DOCK8: variants seen among roughly 807,000 people sequenced by gnomAD.
DOCK8 encodes dedicator of cytokinesis protein 8.
Under a neutral mutation model 245.6 loss-of-function variants are expected in DOCK8, and 141 were observed. That is an observed-to-expected ratio of 0.57 (90% CI 0.50 to 0.66). The LOEUF is 0.66. Among genes scored for constraint, DOCK8 ranks in the 30% least tolerant of loss-of-function variants. DOCK8 has a pLI of 0.00. For synonymous variants in DOCK8, 1,168 were observed against 970.2 expected (o/e 1.20, Z -3.79); for missense variants, 2,965 against 2,603.4 (o/e 1.14, Z -3.02).
chr9:240,202 A>C (rs1461791529), intron 1 of DOCK8, among the ~76,000 whole-genome samples: 1 of 152,196 alleles, frequency 6.6e-6, no homozygotes, highest in Non-Finnish European at 1.5e-5. Context: ...AGTTATTGAA[A>C]AGTAGTTTGT....
At chr9:324,749 A>G (rs1563922017) in intron 7 of DOCK8, among the ~76,000 whole-genome samples, 2 of 152,132 alleles carry the variant, frequency 1.3e-5, no homozygotes. Context: ...ATCTAAGGAA[A>G]AGCAATTGAA....
intron 29 of DOCK8, among the ~76,000 whole-genome samples, chr9:415,232 AACCATAC>A (rs1314225566): frequency 6.6e-6 from 1 of 152,196 alleles, no homozygotes; most frequent in African/African-American, 2.4e-5. Context: ...GAACTTTATA[AACCATAC>A]ACCACAAAGG....
rs962341270 is a variant in DOCK8 at position 271,699 on chromosome 9, A to C, written c.126A>C (p.Ile42=). The C allele has an allele frequency of 6.4e-7, 1 of 1,551,672 alleles. No individual in the cohort carries two copies. Among genetic ancestry groups the C allele is most frequent in the Non-Finnish European group, 8.7e-7 (1 of 1,146,860 alleles). The part of the protein sequence containing the change: ...PNLGQYHRQS[I]STSGFPSLQL... Reference sequence around the variant, plus strand: ...TTGGCCAGTACCATCGACAGAGCATAAGTACCTCTGGCTTCCCCTCTCTTC... The same window carrying C: ...TTGGCCAGTACCATCGACAGAGCATCAGTACCTCTGGCTTCCCCTCTCTTC... Residue 42 remains isoleucine (I), a synonymous_variant, in exon 2 of 48, where the codon ATA becomes ATC. Transcript: ENST00000432829.
At chr9:319,408 C>T (rs955916186) in intron 7 of DOCK8, among the ~76,000 whole-genome samples, 2 of 152,190 alleles carry the variant, frequency 1.3e-5, no homozygotes, top group Non-Finnish European at 2.9e-5. Context: ...GCCAGGTGCA[C>T]TTGGCCTGCT....
At position 463,701 on chromosome 9, in the gene DOCK8, A is replaced by G. The variant is rs770539964; in HGVS notation, c.6239+14A>G. 6.2e-7 allele frequency: 1 copy of G among 1,613,782 alleles called. No homozygotes were observed. Among genetic ancestry groups the G allele is most frequent in the Admixed American group, 1.7e-5 (1 of 60,018 alleles). The stretch of plus-strand genomic sequence containing the variant: ...GAGTCAAAAGAGGTAAGAACAGGGC[A>G]GAGGAGGCCTCTTCCTGTGGGATAA... On this transcript the variant is annotated intron_variant, in intron 47 of 47. Transcript: ENST00000432829.
chr9:335,796 G>T (rs772275835), intron 11 of DOCK8, among the ~76,000 whole-genome samples: 1 of 152,134 alleles, frequency 6.6e-6, no homozygotes, highest in Non-Finnish European at 1.5e-5. Context: ...GAGGCAGAAT[G>T]GCAAGTTTAG....
intron 6 of DOCK8, among the ~76,000 whole-genome samples, chr9:313,182 T>C (rs1178091542): frequency 6.6e-6 from 1 of 152,230 alleles, no homozygotes; most frequent in Non-Finnish European, 1.5e-5. Context: ...TTGTTGACAT[T>C]GACCTACTCA....
In DOCK8 at chr9:286,583, G is replaced by T. The variant is rs761208788; in HGVS notation, c.279G>T (p.Val93=). The change falls in exon 3 of 48, where the codon GTG becomes GTT. Residue 93 remains valine, a synonymous_variant. Transcript: ENST00000432829. ...LGDFTDDDLD[V]VFTPKECRTL... ...ACTTCACTGATGACGACTTGGACGTGGTGTTCACGCCAAAGGAATGTAGGA... is the reference window on the plus strand; with the variant it reads ...ACTTCACTGATGACGACTTGGACGTTGTGTTCACGCCAAAGGAATGTAGGA... The T allele has an allele frequency of 9.3e-6, 15 of 1,613,966 alleles. No homozygotes were observed. The highest frequency in any genetic ancestry group is 1.3e-5 in the Non-Finnish European group (15 of 1,179,924).
chr9:389,400 G>A (rs1007349046), intron 23 of DOCK8, among the ~76,000 whole-genome samples: 3 of 152,166 alleles, frequency 2.0e-5, no homozygotes, highest in Non-Finnish European at 2.9e-5. Context: ...ATCTGGCCCT[G>A]GGACATAGAC....
intron 29 of DOCK8, 44 bp downstream of exon 29, chr9:414,995 T>G: frequency 1.9e-6 from 3 of 1,600,830 alleles, no homozygotes; most frequent in Non-Finnish European, 2.6e-6. Flanking sequence ...TGGGGGCCCC[T>G]GCCAAATGCC....
rs149717711 is a variant in DOCK8, at chr9:296,918, C to G, written c.404+7337C>G. Reference sequence around the variant, plus strand: ...ACCAGCCTGGTTCAGCTTGGATGCCCTCCTCACACCATGTGGGTTCTGATT... The same window carrying G: ...ACCAGCCTGGTTCAGCTTGGATGCCGTCCTCACACCATGTGGGTTCTGATT... On this transcript the variant is annotated intron_variant, in intron 4 of 47. Transcript: ENST00000432829. Among the ~76,000 whole-genome samples the G allele has an allele frequency of 5.4e-3, 818 of 152,246 alleles. 8 individuals are homozygous for G. Among genetic ancestry groups the G allele is most frequent in the African/African-American group, 0.019 (786 of 41,544 alleles).
intron 1 of DOCK8, among the ~76,000 whole-genome samples, chr9:242,591 T>C (rs1224221691): frequency 2.0e-5 from 3 of 152,222 alleles, no homozygotes; most frequent in African/African-American, 7.2e-5. Context: ...AGAGTGTTCT[T>C]ATTCTCCCAA....
intron 1 of DOCK8, among the ~76,000 whole-genome samples, chr9:261,144 C>A (rs935934735): frequency 1.3e-5 from 2 of 151,096 alleles, no homozygotes; most frequent in Non-Finnish European, 2.9e-5. Flanking sequence ...GAACTGGGTA[C>A]CTGGCAGACA....
chr9:211,565 C>T (rs867106183), upstream of DOCK8, among the ~76,000 whole-genome samples: 1 of 151,806 alleles, frequency 6.6e-6, no homozygotes, highest in South Asian at 2.1e-4. Flanking sequence ...AGGGCTGGAC[C>T]GGAATGAAAG....
intron 26 of DOCK8, among the ~76,000 whole-genome samples, chr9:401,673 C>A (rs2055110025): frequency 6.6e-6 from 1 of 152,028 alleles, no homozygotes; most frequent in Non-Finnish European, 1.5e-5. Context: ...GGATCAGCAC[C>A]AGTCGACAGT....
intron 1 of DOCK8, among the ~76,000 whole-genome samples, chr9:233,444 G>T (rs541319619): frequency 1.3e-5 from 2 of 152,158 alleles, no homozygotes; most frequent in Middle Eastern, 3.4e-3. Flanking sequence ...TCAATTCCTC[G>T]GTATCCTTGT....
Position 443,517 on chromosome 9 carries a change from G to C in DOCK8, c.5580+1G>C. Reference sequence around the variant, plus strand: ...CAAAACCAAGTTGGATCCTAACAAGGTATACAAAAATTTACAAAAACTAAC... The same window carrying C: ...CAAAACCAAGTTGGATCCTAACAAGCTATACAAAAATTTACAAAAACTAAC... On this transcript the variant is annotated splice_donor_variant, in intron 43 of 47. Coordinates refer to ENST00000432829, the MANE Select transcript of DOCK8 (RefSeq NM_203447.4). LOFTEE classifies it high-confidence loss of function. The C allele has an allele frequency of 6.2e-7, 1 of 1,613,436 alleles. No homozygotes were observed.
At chr9:422,159 C>G (rs1284465001) in intron 33 of DOCK8, 24 bp downstream of exon 33, 1 of 1,593,848 alleles carries the variant, frequency 6.3e-7, no homozygotes, top group Non-Finnish European at 8.6e-7. Context: ...CAACTTTCTG[C>G]TACTTTTACC....
chr9:346,594 G>A (rs1323984006), intron 14 of DOCK8, among the ~76,000 whole-genome samples: 2 of 151,898 alleles, frequency 1.3e-5, no homozygotes, highest in East Asian at 1.9e-4. Flanking sequence ...TGTGGAGGAC[G>A]GTGCTTGCTG....
Sources: allele counts gnomAD v4.1 joint callset (sites outside exome capture counted in the v4.1 genomes callset), GRCh38; gene constraint gnomAD v4.1.1; transcripts MANE v1.5; gene names NCBI Gene and HGNC (gene_info 2026-07-23, HGNC 2026-07-21).